The following ST6GAL1 variants were observed in gnomAD, a reference collection of about 807,000 sequenced individuals.
ST6GAL1 encodes ST6 beta-galactoside alpha-2,6-sialyltransferase 1, also known as beta-galactoside alpha-2,6-sialyltransferase 1.
In ST6GAL1, 20 loss-of-function variants were observed where a neutral mutation model predicts 38.0. That is an observed-to-expected ratio of 0.53 (90% CI 0.37 to 0.77). ST6GAL1 has a LOEUF of 0.77. Among genes scored for constraint, ST6GAL1 ranks in the 30% least tolerant of loss-of-function variants. The probability of loss-of-function intolerance (pLI) is 0.00; values close to 1 mark genes in which losing one functional copy is unlikely to be tolerated. For missense variants in ST6GAL1, 432 were observed against 496.4 expected (o/e 0.87, Z 1.23); for synonymous variants, 196 against 188.2 (o/e 1.04, Z -0.34).
chr3:186,978,244 C>T (rs1441798180), intron 2 of ST6GAL1, among the ~76,000 whole-genome samples: 2 of 151,828 alleles, frequency 1.3e-5, no homozygotes, highest in Non-Finnish European at 2.9e-5. Flanking sequence ...AAAAAACAGT[C>T]TCAGAGAGGT....
intron 1 of ST6GAL1, among the ~76,000 whole-genome samples, chr3:186,935,652 T>G (rs1713925787): frequency 6.6e-6 from 1 of 152,190 alleles, no homozygotes; most frequent in South Asian, 2.1e-4. Flanking sequence ...CTTTGCAACC[T>G]TGCCAGCATC....
In ST6GAL1 at chr3:187,042,560, C is replaced by T. The variant is rs946073162; in HGVS notation, c.-50-94C>T. Reference sequence around the variant, plus strand: ...ACCAGGGCTGGAATTCAAGTCACCTCATTTCAAATCTATTGCTCAGTCCAT... The same window carrying T: ...ACCAGGGCTGGAATTCAAGTCACCTTATTTCAAATCTATTGCTCAGTCCAT... On this transcript the variant is annotated intron_variant, in intron 3 of 7. Coordinates refer to ENST00000169298, the MANE Select transcript of ST6GAL1 (RefSeq NM_173216.2). 5.8e-6 allele frequency: 7 copies of T among 1,215,068 alleles called. 1 individual carries two copies. The Admixed American group carries it at 9.6e-5, about 17-fold the overall frequency. The allele number at this position is 1,215,068 out of a possible 1,614,324, so 75.3% of individuals were successfully genotyped here. A position where few individuals can be genotyped will look rare whatever the true frequency, so the allele number is the denominator to read the frequency against.
intron 5 of ST6GAL1, 140 bp downstream of exon 5, chr3:187,051,486 A>C: frequency 1.4e-6 from 1 of 704,112 alleles, no homozygotes; most frequent in South Asian, 1.7e-5. Flanking sequence ...CTCACTGGAG[A>C]AGAAGACAAT....
intron 1 of ST6GAL1, among the ~76,000 whole-genome samples, chr3:186,953,550 T>C (rs919513135): frequency 5.3e-5 from 8 of 152,198 alleles, no homozygotes; most frequent in Non-Finnish European, 1.2e-4. Context: ...CTTTTATCCT[T>C]CCTTGTTGCT....
At chr3:187,030,735 C>T (rs1717718872) in intron 2 of ST6GAL1, among the ~76,000 whole-genome samples, 1 of 152,114 alleles carries the variant, frequency 6.6e-6, no homozygotes, top group Non-Finnish European at 1.5e-5. Context: ...TGCCCAGCTG[C>T]AACACTGGAT....
At chr3:186,988,336 C>G (rs1246709226) in intron 2 of ST6GAL1, among the ~76,000 whole-genome samples, 3 of 152,018 alleles carry the variant, frequency 2.0e-5, no homozygotes, top group Admixed American at 2.0e-4. Context: ...CAGCTCTAAC[C>G]TGTGATTTAG....
chr3:186,985,686 G>T (rs962838408), intron 2 of ST6GAL1, among the ~76,000 whole-genome samples: 1 of 151,054 alleles, frequency 6.6e-6, no homozygotes, highest in Non-Finnish European at 1.5e-5. Flanking sequence ...GAGGAGGGAC[G>T]ATTGCTTGAG....
chr3:186,945,819 T>C (rs988999641), intron 1 of ST6GAL1, among the ~76,000 whole-genome samples: 5 of 149,628 alleles, frequency 3.3e-5, no homozygotes, highest in African/African-American at 9.8e-5. Context: ...ACCCTGTCTC[T>C]ACCAAAAAAA....
At chr3:187,074,101 G>T (rs188783600) in intron 6 of ST6GAL1, 58 bp from the exon 7 acceptor site, 5 of 1,488,642 alleles carry the variant, frequency 3.4e-6, no homozygotes, top group Non-Finnish European at 4.5e-6. Context: ...ATGACTCCTG[G>T]GGGGAGCAGC....
At chr3:187,060,126 C>G (rs189394276) in intron 5 of ST6GAL1, among the ~76,000 whole-genome samples, 30 of 152,164 alleles carry the variant, frequency 2.0e-4, no homozygotes, top group African/African-American at 6.7e-4. Flanking sequence ...AGGCTGAAAG[C>G]AAGAAGGAGT....
At position 187,074,341 on chromosome 3, in the gene ST6GAL1, C is replaced by A; in HGVS notation, c.979+8C>A. The A allele has an allele frequency of 1.3e-6, 2 of 1,559,604 alleles. No homozygotes were observed. Among genetic ancestry groups the A allele is most frequent in the Non-Finnish European group, 1.7e-6 (2 of 1,156,498 alleles). ...CATCCTCTGGGATGCTTGGTGAGTT[C>A]ATGTCGGGGAAAAGACCTTGCATGT... On this transcript the variant is annotated splice_region_variant and intron_variant, in intron 7 of 7. Coordinates refer to ENST00000169298, the MANE Select transcript of ST6GAL1 (RefSeq NM_173216.2).
At chr3:187,062,183 A>G (rs891759897) in intron 5 of ST6GAL1, among the ~76,000 whole-genome samples, 4 of 146,382 alleles carry the variant, frequency 2.7e-5, no homozygotes, top group Non-Finnish European at 5.9e-5. Context: ...CCTCACCCCC[A>G]TTAGGGTGGC....
intron 1 of ST6GAL1, among the ~76,000 whole-genome samples, chr3:186,940,783 G>GTTTTTT (rs35452443): frequency 7.7e-6 from 1 of 129,302 alleles, no homozygotes; most frequent in Non-Finnish European, 1.6e-5. Flanking sequence ...CCATGTCAGT[G>GTTTTTT]TTTTTTTTTT....
intron 1 of ST6GAL1, among the ~76,000 whole-genome samples, chr3:186,936,748 C>T (rs755235904): frequency 2.6e-5 from 4 of 152,008 alleles, no homozygotes; most frequent in Non-Finnish European, 5.9e-5. Flanking sequence ...CAAGACCAGC[C>T]TGGCCAACAT....
chr3:187,035,795 A>C (rs7633110), intron 2 of ST6GAL1, among the ~76,000 whole-genome samples: 5,326 of 152,246 alleles, frequency 0.035, 334 homozygotes, highest in African/African-American at 0.12. Context: ...CTCAAACTAT[A>C]AGAATCCTGG....
intron 2 of ST6GAL1, among the ~76,000 whole-genome samples, chr3:187,008,315 G>C (rs1716847180): frequency 6.9e-6 from 1 of 145,762 alleles, no homozygotes; most frequent in Non-Finnish European, 1.5e-5. Context: ...AGGGAAGGAA[G>C]AAAAGAGAAG....
chr3:186,978,751 CCT>C (rs1054638027), intron 2 of ST6GAL1, among the ~76,000 whole-genome samples: 7 of 152,164 alleles, frequency 4.6e-5, no homozygotes, highest in African/African-American at 1.7e-4. Flanking sequence ...ACTAGAAATA[CCT>C]CTGTCTGGAG....
intron 2 of ST6GAL1, among the ~76,000 whole-genome samples, chr3:186,982,430 CAGTT>C (rs1387215577): frequency 3.3e-5 from 5 of 152,130 alleles, no homozygotes; most frequent in South Asian, 2.1e-4. Context: ...TCATGGCAGA[CAGTT>C]AGGGGGAATA....
At chr3:187,028,649 T>C (rs1717629048) in intron 2 of ST6GAL1, among the ~76,000 whole-genome samples, 1 of 152,146 alleles carries the variant, frequency 6.6e-6, no homozygotes, top group Non-Finnish European at 1.5e-5. Context: ...TATGTTCCAA[T>C]ATCCCCATTT....
Sources: gnomAD v4.1 joint callset for allele counts (sites outside exome capture counted in the v4.1 genomes callset) on GRCh38, gnomAD v4.1.1 for gene constraint, MANE v1.5 for transcripts, NCBI Gene and HGNC (gene_info 2026-07-23, HGNC 2026-07-21) for gene names.